The following ANKRD10 variants were observed in gnomAD, a reference collection of about 807,000 sequenced individuals.
ANKRD10 encodes ankyrin repeat domain-containing protein 10.
Under a neutral mutation model 27.0 loss-of-function variants are expected in ANKRD10, and 14 were observed. The observed-to-expected ratio is 0.52, with a 90% CI of 0.34 to 0.81. ANKRD10 has a LOEUF of 0.81. Ranked by LOEUF, ANKRD10 falls within the 40% of genes least tolerant of loss-of-function variation. ANKRD10 has a pLI of 0.01. For missense variants in ANKRD10, 493 were observed against 544.0 expected, an observed-to-expected ratio of 0.91 and a Z score of 0.93; for synonymous variants, 250 against 224.5, an observed-to-expected ratio of 1.11 and a Z score of -1.01.
intron 3 of ANKRD10, chr13:110,900,736 C>T: frequency 1.5e-6 from 2 of 1,290,970 alleles, no homozygotes; most frequent in Non-Finnish European, 2.1e-6. Context: ...GATTCAGAAT[C>T]TTCTGTGTGA....
chr13:110,914,644 G>A (rs2065833760), intron 1 of ANKRD10, 81 bp downstream of exon 1: 1 of 1,463,028 alleles, frequency 6.8e-7, no homozygotes. Flanking sequence ...CACGCCCCAC[G>A]TCCCCCGCAC....
chr13:110,909,173 A>G (rs2138888326), intron 2 of ANKRD10, among the ~76,000 whole-genome samples: 1 of 152,338 alleles, frequency 6.6e-6, no homozygotes, highest in Admixed American at 6.5e-5. Context: ...TCCTCTCTAA[A>G]TAAGATGCTA....
At position 110,914,825 on chromosome 13, in the gene ANKRD10, G is replaced by T. The variant is rs777103453; in HGVS notation, c.110C>A (p.Thr37Lys). ...TGTCTGCTGCAGCAGCGAGCAGAGC[G>T]TGGCCAGGTCCCCGTCGCGGCAGGC... ...HRACRDGDLA[T>K]LCSLLQQTPH... is the part of the protein sequence containing the mutation. The change falls in exon 1 of 6, where the codon ACG becomes AAG. Residue 37 changes from threonine to lysine, a missense_variant. Coordinates refer to ENST00000267339, the MANE Select transcript of ANKRD10 (RefSeq NM_017664.4). The T allele has an allele frequency of 1.3e-6, 2 of 1,586,882 alleles. No homozygotes were observed. Among genetic ancestry groups the T allele is most frequent in the Non-Finnish European group, 1.7e-6 (2 of 1,167,624 alleles).
chr13:110,900,550 G>A, intron 3 of ANKRD10: 1 of 1,345,264 alleles, frequency 7.4e-7, no homozygotes. Flanking sequence ...TGCCTCGTGT[G>A]CAGAAAGGAA....
At chr13:110,900,039 C>T (rs1286243805) in intron 3 of ANKRD10, among the ~76,000 whole-genome samples, 1 of 151,940 alleles carries the variant, frequency 6.6e-6, no homozygotes, top group Non-Finnish European at 1.5e-5. Context: ...CAGGAAGACC[C>T]TGTCTCTTCA....
intron 3 of ANKRD10, among the ~76,000 whole-genome samples, chr13:110,896,539 T>C (rs1011208953): frequency 2.6e-5 from 4 of 152,196 alleles, no homozygotes; most frequent in Non-Finnish European, 4.4e-5. Context: ...ATCTTGCAAG[T>C]GGTCACTCAA....
chr13:110,894,111 T>C, intron 3 of ANKRD10: 1 of 1,603,536 alleles, frequency 6.2e-7, no homozygotes, highest in Non-Finnish European at 8.5e-7. Flanking sequence ...TTGTAAACCT[T>C]TAGACACTGA....
chr13:110,907,664 G>T (rs1439809846), intron 2 of ANKRD10, among the ~76,000 whole-genome samples: 1 of 152,150 alleles, frequency 6.6e-6, no homozygotes, highest in East Asian at 1.9e-4. Flanking sequence ...ATCCATTTTT[G>T]AAGACAGAAA....
At chr13:110,905,007 T>C (rs1594620417) in intron 3 of ANKRD10, 1 of 152,232 alleles carries the variant, frequency 6.6e-6, no homozygotes, top group East Asian at 1.9e-4. Flanking sequence ...AGCAATGAAA[T>C]GGAAACCAAA....
intron 4 of ANKRD10, among the ~76,000 whole-genome samples, chr13:110,886,164 C>T (rs538892546): frequency 3.0e-4 from 45 of 152,330 alleles, no homozygotes; most frequent in African/African-American, 9.6e-4. Context: ...CACTAGGGGC[C>T]GGAAGAGCCG....
intron 3 of ANKRD10, chr13:110,904,333 C>G (rs1260863140): frequency 6.6e-6 from 1 of 152,064 alleles, no homozygotes; most frequent in Admixed American, 6.5e-5. Flanking sequence ...AAAAGAGACA[C>G]TTGAGGGCCC....
rs967852409 is a variant in ANKRD10, at chr13:110,880,080, A to T, written c.820T>A (p.Leu274Met). ...CCATTGATGACACATCCATTTGTCA[A>T]TGTATTCGATACGGAGCTACTGTTT... ...MKNSSSVSNT[L>M]TNGCVINGHL... Residue 274 changes from leucine to methionine, a missense_variant, in exon 6 of 6, where the codon TTG becomes ATG. By Grantham distance (15) the Leu-to-Met change is conservative. Transcript: ENST00000267339. 23 of 1,614,154 alleles carry T rather than the reference A, an allele frequency of 1.4e-5. No individual in the cohort carries two copies. Among genetic ancestry groups the T allele is most frequent in the Non-Finnish European group, 1.9e-5 (23 of 1,180,022 alleles).
chr13:110,900,395 G>T, intron 3 of ANKRD10: 1 of 464,048 alleles, frequency 2.2e-6, no homozygotes, highest in Non-Finnish European at 2.9e-6. Flanking sequence ...TTAAAATTCT[G>T]ATCTCAACTT....
At chr13:110,898,750 CTT>C (rs56176208) in intron 3 of ANKRD10, among the ~76,000 whole-genome samples, 28,383 of 105,552 alleles carry the variant, frequency 0.27, 2,911 homozygotes, top group Non-Finnish European at 0.32. Flanking sequence ...TTTTTCTTTT[CTT>C]TTTTTTTTTT....
At chr13:110,888,693 A>T (rs1485303699) in intron 4 of ANKRD10, among the ~76,000 whole-genome samples, 1 of 152,182 alleles carries the variant, frequency 6.6e-6, no homozygotes, top group Non-Finnish European at 1.5e-5. Flanking sequence ...CTAAGGACAA[A>T]AGGCAGAGAT....
At chr13:110,889,061 C>T (rs2065008034) in intron 4 of ANKRD10, among the ~76,000 whole-genome samples, 1 of 152,166 alleles carries the variant, frequency 6.6e-6, no homozygotes, top group African/African-American at 2.4e-5. Context: ...CAAGTTTTCA[C>T]TCATGGAAGG....
In ANKRD10 at chr13:110,893,146, A is replaced by C. The variant is rs1182739934; in HGVS notation, c.573T>G (p.Asn191Lys). Reference sequence around the variant, plus strand: ...TCTGATGACCCCCATTTAAGATGCCATTGTTATAGAAATGGTTCAGATGAC... The same window carrying C: ...TCTGATGACCCCCATTTAAGATGCCCTTGTTATAGAAATGGTTCAGATGAC... ...QNCHLNHFYN[N>K]GILNGGHQNV... Residue 191 changes from asparagine to lysine, a missense_variant, in exon 4 of 6, where the codon AAT (asparagine) becomes AAG (lysine). Coordinates refer to ENST00000267339, the MANE Select transcript of ANKRD10 (RefSeq NM_017664.4). 2 of 1,614,226 alleles carry C rather than the reference A, an allele frequency of 1.2e-6. No homozygotes were observed. Among genetic ancestry groups the C allele is most frequent in the Non-Finnish European group, 1.7e-6 (2 of 1,180,036 alleles).
intron 3 of ANKRD10, among the ~76,000 whole-genome samples, chr13:110,896,429 C>T (rs1406596676): frequency 6.6e-6 from 1 of 152,192 alleles, no homozygotes; most frequent in East Asian, 1.9e-4. Flanking sequence ...AGGAACACAA[C>T]ACAAAATGAC....
chr13:110,884,505 C>T (rs553166595), intron 4 of ANKRD10, among the ~76,000 whole-genome samples: 1 of 152,214 alleles, frequency 6.6e-6, no homozygotes, highest in Non-Finnish European at 1.5e-5. Context: ...GTCTGAACGG[C>T]TTCTCGTGTT....
Sources: gnomAD v4.1 joint callset for allele counts (sites outside exome capture counted in the v4.1 genomes callset) on GRCh38, gnomAD v4.1.1 for gene constraint, MANE v1.5 for transcripts, NCBI Gene and HGNC (gene_info 2026-07-23, HGNC 2026-07-21) for gene names.